Variants in ZNF782 observed in about 807,000 individuals in gnomAD.
The protein encoded by ZNF782 is zinc finger protein 782.
In ZNF782, 12 loss-of-function variants were observed where a neutral mutation model predicts 13.0. That is an observed-to-expected ratio of 0.92 (90% CI 0.59 to 1.50). The LOEUF is 1.50. Ranked by LOEUF, ZNF782 falls within the 40% of genes most tolerant of loss-of-function variation. The probability of loss-of-function intolerance (pLI) is 0.00; values close to 1 mark genes in which losing one functional copy is unlikely to be tolerated. For missense variants in ZNF782, 770 were observed against 822.9 expected, an observed-to-expected ratio of 0.94 and a Z score of 0.79; for synonymous variants, 284 against 283.0, an observed-to-expected ratio of 1.00 and a Z score of -0.04.
Position 96,819,125 on chromosome 9 carries a change from T to C in ZNF782, c.898A>G (p.Ile300Val), listed in dbSNP as rs140493291. The change falls in exon 6 of 6, where the codon ATT (isoleucine) becomes GTT (valine). Residue 300 changes from isoleucine (I) to valine (V), a missense_variant. Coordinates refer to ENST00000481138, the MANE Select transcript of ZNF782 (RefSeq NM_001001662.3). The part of the protein sequence containing the change: ...GGKSFSQKSH[I>V]REHHRVHIGV... ...ATATGAACTCTATGATGTTCTCTAA[T>C]GTGTGACTTTTGGCTGAAGGATTTC... 40 of 1,614,002 alleles carry C rather than the reference T, an allele frequency of 2.5e-5. No homozygotes were observed. The highest frequency in any genetic ancestry group is 5.9e-6 in the Non-Finnish European group (7 of 1,179,984).
chr9:96,910,609 A>C, the ZNF782 span, among the ~76,000 whole-genome samples: 1 of 146,522 alleles, frequency 6.8e-6, no homozygotes, highest in Non-Finnish European at 1.5e-5. Context: ...AGGAAAAAAC[A>C]ACCAAAACTT....
At chr9:96,843,670 C>T (rs1162060687) in intron 4 of ZNF782, among the ~76,000 whole-genome samples, 1 of 152,134 alleles carries the variant, frequency 6.6e-6, no homozygotes, top group East Asian at 1.9e-4. Context: ...GTACCAGTGT[C>T]TATTTACTGG....
At position 96,818,413 on chromosome 9, in the gene ZNF782, T is replaced by C. The variant is rs764665818; in HGVS notation, c.1610A>G (p.Asn537Ser). 2.5e-6 allele frequency: 4 copies of C among 1,614,096 alleles called. No individual in the cohort carries two copies. The highest frequency in any genetic ancestry group is 3.4e-6 in the Non-Finnish European group (4 of 1,180,036). The change falls in exon 6 of 6, where the codon AAT (asparagine) becomes AGT (serine). Residue 537 changes from asparagine to serine, a missense_variant. Asn to Ser is a conservative substitution (Grantham distance 46). Coordinates refer to ENST00000481138, the MANE Select transcript of ZNF782 (RefSeq NM_001001662.3). Reference protein sequence around the residue: ...THTGEKPYKCNQCGKAFGQKS... With the variant: ...THTGEKPYKCSQCGKAFGQKS... ...CTGACCGAAAGCTTTTCCACACTGA[T>C]TACATTTGTAGGGCTTCTCCCCTGT... is the stretch of plus-strand genomic sequence containing the variant.
At chr9:96,833,691 T>G (rs1850884505) in intron 4 of ZNF782, among the ~76,000 whole-genome samples, 1 of 152,218 alleles carries the variant, frequency 6.6e-6, no homozygotes, top group African/African-American at 2.4e-5. Flanking sequence ...CTATACTTTT[T>G]AGAAGACTGT....
upstream of ZNF782, among the ~76,000 whole-genome samples, chr9:96,876,023 G>C (rs1036805872): frequency 2.0e-5 from 3 of 152,224 alleles, no homozygotes; most frequent in African/African-American, 7.2e-5. Context: ...ATGATTGGAA[G>C]ATGTTCCTGA....
chr9:96,877,717 T>A (rs191677434), upstream of ZNF782, among the ~76,000 whole-genome samples: 49 of 152,162 alleles, frequency 3.2e-4, no homozygotes, highest in East Asian at 9.1e-3. Context: ...GAAACTGGTC[T>A]CCCTGCCTGG....
the ZNF782 span, among the ~76,000 whole-genome samples, chr9:96,883,694 A>G: frequency 6.6e-6 from 1 of 152,214 alleles, no homozygotes; most frequent in South Asian, 2.1e-4. Flanking sequence ...GTTCAGAAAA[A>G]CTAACGACAT....
chr9:96,866,609 G>C (rs1320228604), intron 1 of ZNF782, among the ~76,000 whole-genome samples: 1 of 152,206 alleles, frequency 6.6e-6, no homozygotes, highest in Non-Finnish European at 1.5e-5. Context: ...GCCTTGTGGA[G>C]CTATGAGAAG....
rs78315504 is a variant in ZNF782 at position 96,831,271 on chromosome 9, G to C, written c.143-4090C>G. On this transcript the variant is annotated intron_variant, in intron 4 of 5. Transcript: ENST00000481138. ...GAATAGTTCTGTTGACTTGACTGTA[G>C]TGGTGGTTACACCAATCTATATATG... is the stretch of plus-strand genomic sequence containing the variant. 1.3e-4 allele frequency among the ~76,000 whole-genome samples: 20 copies of C among 152,338 alleles called. No homozygotes were observed. In the East Asian group the frequency reaches 3.9e-3, roughly 29 times the overall value.
the ZNF782 span, among the ~76,000 whole-genome samples, chr9:96,881,203 CA>C: frequency 8.6e-5 from 13 of 152,000 alleles, no homozygotes; most frequent in Admixed American, 7.2e-4. Flanking sequence ...TTATCTCTTC[CA>C]AAACCCCCCA....
the ZNF782 span, among the ~76,000 whole-genome samples, chr9:96,896,190 C>T: frequency 2.1e-4 from 32 of 152,286 alleles, no homozygotes; most frequent in Admixed American, 8.5e-4. Context: ...ACTTACTGAT[C>T]TGGCAGATAC....
At chr9:96,919,657 G>A in the ZNF782 span, among the ~76,000 whole-genome samples, 1 of 146,338 alleles carries the variant, frequency 6.8e-6, no homozygotes, top group African/African-American at 2.5e-5. Context: ...TCTGCCTCCT[G>A]GGTTCAGGCG....
At chr9:96,880,237 G>A (rs1851946489), upstream of ZNF782, among the ~76,000 whole-genome samples, 1 of 151,102 alleles carries the variant, frequency 6.6e-6, no homozygotes, top group South Asian at 2.1e-4. Context: ...TGCAAATAAG[G>A]ATAGATTTAT....
intron 5 of ZNF782, among the ~76,000 whole-genome samples, chr9:96,823,695 C>T (rs538739507): frequency 3.9e-5 from 6 of 152,064 alleles, no homozygotes; most frequent in South Asian, 2.1e-4. Flanking sequence ...AATTCATAAC[C>T]GTATTTTGAA....
chr9:96,870,337 T>A (rs1851808870), intron 1 of ZNF782, among the ~76,000 whole-genome samples: 1 of 152,220 alleles, frequency 6.6e-6, no homozygotes, highest in African/African-American at 2.4e-5. Flanking sequence ...ATTTAATTGA[T>A]CTTCAGTGCC....
chr9:96,834,826 CTGGGTAA>C (rs1320601228), intron 4 of ZNF782, among the ~76,000 whole-genome samples: 1 of 152,066 alleles, frequency 6.6e-6, no homozygotes, highest in Non-Finnish European at 1.5e-5. Context: ...AGCTTTGGAA[CTGGGTAA>C]TGGGTAGTGG....
At chr9:96,929,087 C>T in the ZNF782 span, 1 of 1,611,154 alleles carries the variant, frequency 6.2e-7, no homozygotes, top group Non-Finnish European at 8.5e-7. Flanking sequence ...CTTGCCTCAA[C>T]TCCTTGGGAA....
the ZNF782 span, chr9:96,931,654 T>C: frequency 6.3e-7 from 1 of 1,585,222 alleles, no homozygotes; most frequent in Non-Finnish European, 8.6e-7. Flanking sequence ...GGGACTCCCC[T>C]GATTCCCCAG....
chr9:96,873,668 A>G (rs1412468440), intron 1 of ZNF782, among the ~76,000 whole-genome samples: 3 of 152,222 alleles, frequency 2.0e-5, no homozygotes, highest in African/African-American at 7.2e-5. Flanking sequence ...CCTGCGCTCC[A>G]CCCTGGGTGA....
Sources: allele counts gnomAD v4.1 joint callset (sites outside exome capture counted in the v4.1 genomes callset), GRCh38; gene constraint gnomAD v4.1.1; transcripts MANE v1.5; gene names NCBI Gene and HGNC (gene_info 2026-07-23, HGNC 2026-07-21).